SLC49A4: variants seen among roughly 807,000 people sequenced by gnomAD.
The protein encoded by SLC49A4 is disrupted in renal cancer protein 2.
In SLC49A4, 36 loss-of-function variants were observed where a neutral mutation model predicts 50.6. That is an observed-to-expected ratio of 0.71 (90% CI 0.55 to 0.94). The LOEUF (loss-of-function observed/expected upper bound fraction) is 0.94. Among genes scored for constraint, SLC49A4 ranks in the 40% least tolerant of loss-of-function variants. The pLI, the probability that SLC49A4 is intolerant of heterozygous loss-of-function variation, is 0.00. For missense variants in SLC49A4, 503 were observed against 605.7 expected (o/e 0.83, Z 1.78); for synonymous variants, 248 against 241.2 (o/e 1.03, Z -0.26).
intron 5 of SLC49A4, among the ~76,000 whole-genome samples, chr3:122,851,937 A>G (rs1936931609): frequency 6.6e-6 from 1 of 150,798 alleles, no homozygotes; most frequent in African/African-American, 2.4e-5. Context: ...TGTGTCAAAT[A>G]TGCTATTAAA....
chr3:122,851,559 G>T (rs544331454), intron 5 of SLC49A4, among the ~76,000 whole-genome samples: 17 of 152,160 alleles, frequency 1.1e-4, no homozygotes, highest in African/African-American at 3.6e-4. Flanking sequence ...AAGATTTTCT[G>T]TATATCATTG....
intron 5 of SLC49A4, among the ~76,000 whole-genome samples, chr3:122,849,653 T>C (rs998437715): frequency 2.6e-5 from 4 of 152,204 alleles, no homozygotes; most frequent in African/African-American, 9.6e-5. Context: ...TCAGGTCTTT[T>C]GCTTATTTTT....
intron 2 of SLC49A4, among the ~76,000 whole-genome samples, chr3:122,818,136 A>G (rs891327072): frequency 5.3e-5 from 8 of 152,220 alleles, no homozygotes; most frequent in Non-Finnish European, 1.0e-4. Context: ...GTTGTTGGAA[A>G]CAACTATCCA....
At chr3:122,822,215 G>C (rs549485382) in intron 2 of SLC49A4, among the ~76,000 whole-genome samples, 1 of 152,084 alleles carries the variant, frequency 6.6e-6, no homozygotes, top group Non-Finnish European at 1.5e-5. Flanking sequence ...CCCCTCCTTC[G>C]TTTTTCTTTG....
intron 5 of SLC49A4, among the ~76,000 whole-genome samples, chr3:122,849,524 TG>T (rs1199074646): frequency 6.6e-6 from 1 of 152,198 alleles, no homozygotes; most frequent in Admixed American, 6.5e-5. Context: ...CTATCCTAAC[TG>T]GGGTGAGATG....
intron 1 of SLC49A4, among the ~76,000 whole-genome samples, chr3:122,804,059 G>C (rs1305590587): frequency 6.6e-6 from 1 of 152,178 alleles, no homozygotes; most frequent in Admixed American, 6.5e-5. Context: ...AATGTGTAAA[G>C]AAAAGAGGTT....
In SLC49A4 at chr3:122,843,155, A is replaced by T. The variant is rs114514353; in HGVS notation, c.834-2608A>T. Among the ~76,000 whole-genome samples, 1,081 of 152,246 alleles carry T rather than the reference A, an allele frequency of 7.1e-3. 5 individuals are homozygous for T. Among genetic ancestry groups the T allele is most frequent in the African/African-American group, 0.022 (933 of 41,534 alleles). On this transcript the variant is annotated intron_variant, in intron 4 of 8. Coordinates refer to ENST00000261038, the MANE Select transcript of SLC49A4 (RefSeq NM_032839.3). ...GTATGCATCTATGTTTAATTCATCT[A>T]AATTATGCCATATTGTGCATATCAT... is the stretch of plus-strand genomic sequence containing the variant.
At chr3:122,858,898 C>G (rs891098480) in intron 6 of SLC49A4, among the ~76,000 whole-genome samples, 4 of 152,080 alleles carry the variant, frequency 2.6e-5, no homozygotes, top group Admixed American at 6.6e-5. Flanking sequence ...TAATGATAAG[C>G]GTCTCTACCA....
rs374487541 is a variant in SLC49A4, at chr3:122,836,289, G to C, written c.833+2843G>C. On this transcript the variant is annotated intron_variant, in intron 4 of 8. Coordinates refer to ENST00000261038, the MANE Select transcript of SLC49A4 (RefSeq NM_032839.3). ...TGTCTTTGATTCTGTTTATATGCTG[G>C]ATTACATTTATTGATTTGCATATGT... is the stretch of plus-strand genomic sequence containing the variant. Among the ~76,000 whole-genome samples the C allele has an allele frequency of 8.6e-5, 13 of 152,026 alleles. 2 individuals are homozygous for C. Among genetic ancestry groups the C allele is most frequent in the East Asian group, 1.9e-4 (1 of 5,176 alleles).
intron 1 of SLC49A4, among the ~76,000 whole-genome samples, chr3:122,804,268 C>T (rs1214030009): frequency 1.7e-4 from 26 of 152,190 alleles, no homozygotes; most frequent in Admixed American, 1.7e-3. Flanking sequence ...GATCTCATCT[C>T]CTGTGAACTC....
At chr3:122,806,733 G>T (rs1423654005) in intron 1 of SLC49A4, 124 bp from the exon 2 acceptor site, 115 of 550,510 alleles carry the variant, frequency 2.1e-4, no homozygotes, top group East Asian at 3.8e-4. Flanking sequence ...CATTTTTAAA[G>T]TTATACAGAA....
intron 8 of SLC49A4, 49 bp from the exon 9 acceptor site, chr3:122,879,214 T>C: frequency 7.5e-7 from 1 of 1,341,010 alleles, no homozygotes; most frequent in Non-Finnish European, 1.1e-6. Flanking sequence ...GGTGGTGGTC[T>C]GCTGGTGATA....
chr3:122,812,960 A>G (rs1256564034), intron 2 of SLC49A4, among the ~76,000 whole-genome samples: 1 of 152,200 alleles, frequency 6.6e-6, no homozygotes, highest in Non-Finnish European at 1.5e-5. Context: ...AAAGGGAGTA[A>G]AAGGTGTGTA....
intron 7 of SLC49A4, among the ~76,000 whole-genome samples, chr3:122,866,696 A>AATC (rs1937125525): frequency 6.6e-6 from 1 of 152,010 alleles, no homozygotes; most frequent in Admixed American, 6.6e-5. Flanking sequence ...CTTAGCTTTT[A>AATC]ATCTAACCAT....
chr3:122,833,409 C>A lies in SLC49A4; in HGVS notation c.796C>A (p.Arg266=), dbSNP rs537988432. ...LPPSVAAASQ[R]LSYRRSVCRL... is the part of the protein sequence containing the mutation. ...TCCCAGTGTTGCTGCAGCTAGCCAG[C>A]GGCTGAGTTATCGGAGAAGCGTTTG... The change falls in exon 4 of 9, where the codon CGG becomes AGG. Residue 266 remains arginine, a synonymous_variant. Coordinates refer to ENST00000261038, the MANE Select transcript of SLC49A4 (RefSeq NM_032839.3). 4.3e-6 allele frequency: 7 copies of A among 1,613,390 alleles called. No homozygotes were observed. In the South Asian group the frequency reaches 4.4e-5, roughly 10 times the overall value.
At chr3:122,824,730 C>CTTTT (rs71621693) in intron 2 of SLC49A4, among the ~76,000 whole-genome samples, 134 of 82,876 alleles carry the variant, frequency 1.6e-3, no homozygotes, top group Middle Eastern at 6.0e-3. Context: ...TTTTTTCCTT[C>CTTTT]TTTTTTTTTT....
intron 4 of SLC49A4, among the ~76,000 whole-genome samples, chr3:122,835,371 T>C (rs1452963830): frequency 2.6e-5 from 4 of 152,106 alleles, no homozygotes; most frequent in Non-Finnish European, 5.9e-5. Context: ...ACAAAAATCC[T>C]TAATAAAAAC....
chr3:122,845,607 G>GTTT (rs35604258), intron 4 of SLC49A4, among the ~76,000 whole-genome samples, 156 bp from the exon 5 acceptor site: 416 of 97,346 alleles, frequency 4.3e-3, no homozygotes, highest in Non-Finnish European at 5.7e-3. Context: ...TTTCCAGCAC[G>GTTT]TTTTTTTTTT....
At chr3:122,834,105 T>A (rs1936642930) in intron 4 of SLC49A4, among the ~76,000 whole-genome samples, 1 of 152,180 alleles carries the variant, frequency 6.6e-6, no homozygotes, top group African/African-American at 2.4e-5. Flanking sequence ...CCACTAGACT[T>A]TGTCATTTGA....
Sources: gnomAD v4.1 joint callset for allele counts (sites outside exome capture counted in the v4.1 genomes callset) on GRCh38, gnomAD v4.1.1 for gene constraint, MANE v1.5 for transcripts, NCBI Gene and HGNC (gene_info 2026-07-23, HGNC 2026-07-21) for gene names.